Variants in PRDM12 observed in about 807,000 individuals in gnomAD.
The protein encoded by PRDM12 is PR/SET domain 12.
Under a neutral mutation model 29.6 loss-of-function variants are expected in PRDM12, and 17 were observed. That is an observed-to-expected ratio of 0.57 (90% CI 0.39 to 0.86). The LOEUF is 0.86. Among genes scored for constraint, PRDM12 ranks in the 40% least tolerant of loss-of-function variants. The probability of loss-of-function intolerance (pLI) is 0.00; values close to 1 mark genes in which losing one functional copy is unlikely to be tolerated. For synonymous variants in PRDM12, 231 were observed against 225.8 expected, an observed-to-expected ratio of 1.02 and a Z score of -0.21; for missense variants, 422 against 510.8, an observed-to-expected ratio of 0.83 and a Z score of 1.68.
intron 3 of PRDM12, among the ~76,000 whole-genome samples, chr9:130,671,651 A>C (rs1161098981): frequency 1.3e-5 from 2 of 152,150 alleles, no homozygotes; most frequent in African/African-American, 4.8e-5. Flanking sequence ...GTATGTGGCC[A>C]CCCTCAAGAT....
At chr9:130,673,765 G>C (rs1364182312) in intron 3 of PRDM12, among the ~76,000 whole-genome samples, 1 of 145,316 alleles carries the variant, frequency 6.9e-6, no homozygotes, top group Non-Finnish European at 1.5e-5. Context: ...TCTGCCTCCT[G>C]GATTCAAGCG....
chr9:130,675,878 G>A (rs747940844), intron 3 of PRDM12, among the ~76,000 whole-genome samples: 2 of 152,144 alleles, frequency 1.3e-5, no homozygotes, highest in Non-Finnish European at 2.9e-5. Flanking sequence ...TTTCATCCAA[G>A]ACTGGAAACC....
chr9:130,679,137 G>A (rs771335374), intron 4 of PRDM12, among the ~76,000 whole-genome samples: 3 of 152,146 alleles, frequency 2.0e-5, no homozygotes, highest in Non-Finnish European at 2.9e-5. Context: ...TAGATGCTCC[G>A]TATAAGCCTG....
rs1830919051 is a variant in PRDM12 at position 130,682,826 on chromosome 9, G to GTC, written c.*1158_*1159insCT. On this transcript the variant is annotated 3_prime_UTR_variant, in exon 5 of 5. Transcript: ENST00000253008. The surrounding 1 kb of genome is among the most constrained non-coding windows in gnomAD (Gnocchi z 4.2). ...ATGTATAGAGTTTTCAAGAAACTGC[G>GTC]TTCTACTTCCAGAAGATGGTCACTT... The GTC allele has an allele frequency of 6.6e-6, 1 of 152,616 alleles. No individual in the cohort carries two copies. The highest frequency in any genetic ancestry group is 2.1e-4 in the South Asian group (1 of 4,828). The allele number at this position is 152,616 out of a possible 1,614,324, so 9.5% of individuals were successfully genotyped here.
Position 130,681,296 on chromosome 9 carries a change from G to C in PRDM12, c.731G>C (p.Arg244Pro). 6.6e-7 allele frequency: 1 copy of C among 1,515,168 alleles called. No individual in the cohort carries two copies. The highest frequency in any genetic ancestry group is 8.9e-7 in the Non-Finnish European group (1 of 1,125,448). 93.9% of individuals were successfully genotyped at this position (1,515,168 alleles called of 1,614,324 possible). The change falls in exon 5 of 5, where the codon CGA becomes CCA. Residue 244 changes from arginine to proline, a missense_variant. Coordinates refer to ENST00000253008, the MANE Select transcript of PRDM12 (RefSeq NM_021619.3). This position sits in a 1 kb window ranked among gnomAD's most constrained non-coding sequence, Gnocchi z 8.1. Reference protein sequence around the residue: ...DSAAGPAGRMRCVICHRGFNS... With the variant: ...DSAAGPAGRMPCVICHRGFNS... ...GCGGCTGGCCCCGCGGGCCGCATGC[G>C]ATGCGTCATCTGCCACCGCGGCTTC...
rs1220406010 is a variant in PRDM12 at position 130,681,547 on chromosome 9, A to ACCGCGCTGCAGGCACACTCGC, written c.992_1012dup (p.Gln331_Leu337dup). 52 of 1,265,966 alleles carry ACCGCGCTGCAGGCACACTCGC rather than the reference A, an allele frequency of 4.1e-5. No individual in the cohort carries two copies. The South Asian group carries it at 6.4e-4, about 16-fold the overall frequency. The allele number at this position is 1,265,966 out of a possible 1,614,324, so 78.4% of individuals were successfully genotyped here. A position where few individuals can be genotyped will look rare whatever the true frequency, so the allele number is the denominator to read the frequency against. ...GAGCGCGCGGCACCGGCCGCCCAGCACCGCGCTGCAGGCACACTCGCCCGC... is the reference window on the plus strand; with the variant it reads ...GAGCGCGCGGCACCGGCCGCCCAGCACCGCGCTGCAGGCACACTCGCCCGCGCTGCAGGCACACTCGCCCGC... On this transcript the variant is annotated inframe_insertion, in exon 5 of 5. Transcript: ENST00000253008. The surrounding 1 kb of genome is among the most constrained non-coding windows in gnomAD (Gnocchi z 8.1).
chr9:130,681,476 G>A lies in PRDM12; in HGVS notation c.911G>A (p.Cys304Tyr), dbSNP rs758734389. 1 of 1,542,442 alleles carries A rather than the reference G, an allele frequency of 6.5e-7. No individual in the cohort carries two copies. Among genetic ancestry groups the A allele is most frequent in the Non-Finnish European group, 8.7e-7 (1 of 1,145,692 alleles). The change falls in exon 5 of 5, where the codon TGC (cysteine) becomes TAC (tyrosine). Residue 304 changes from cysteine to tyrosine, a missense_variant. Cys to Tyr is a radical substitution (Grantham distance 194). Around this residue, in one of 5 missense-constraint regions of PRDM12, gnomAD observed 24 missense variants for 64.0 expected, o/e 0.38. Transcript: ENST00000253008. This position sits in a 1 kb window ranked among gnomAD's most constrained non-coding sequence, Gnocchi z 8.1. ...TGERPYKCQV[C>Y]QSAYSQLAGL... is the part of the protein sequence containing the mutation. ...GAGCGCCCCTACAAGTGCCAGGTGT[G>A]CCAGAGCGCCTACTCGCAGCTGGCC... is the stretch of plus-strand genomic sequence containing the variant.
intron 4 of PRDM12, among the ~76,000 whole-genome samples, chr9:130,680,659 A>ATATATATATATATATATATATATTTTTT: frequency 1.4e-5 from 1 of 72,170 alleles, no homozygotes; most frequent in African/African-American, 7.8e-5. Flanking sequence ...ATATATATAT[A>ATATATATATATATATATATATATTTTTT]TTTTTTTTTT....
chr9:130,680,002 GT>G (rs1286680860), intron 4 of PRDM12, among the ~76,000 whole-genome samples: 10 of 152,134 alleles, frequency 6.6e-5, no homozygotes, highest in African/African-American at 2.4e-4. Flanking sequence ...GTGAGCTACT[GT>G]TTATTAAGTC....
chr9:130,680,288 G>A (rs367989375), intron 4 of PRDM12, among the ~76,000 whole-genome samples: 378 of 152,134 alleles, frequency 2.5e-3, no homozygotes, highest in African/African-American at 8.5e-3. Context: ...AGTGAGCTGA[G>A]ATGGCACCAC....
chr9:130,674,492 TTGTGTGTGTGTGTG>T (rs58489448), intron 3 of PRDM12, among the ~76,000 whole-genome samples: 4 of 142,796 alleles, frequency 2.8e-5, no homozygotes, highest in African/African-American at 1.1e-4. Flanking sequence ...AAAAGATAAT[TTGTGTGTGTGTGTG>T]TGTGTGTGTG....
intron 3 of PRDM12, among the ~76,000 whole-genome samples, chr9:130,670,034 C>T (rs1830773951): frequency 6.6e-6 from 1 of 151,860 alleles, no homozygotes; most frequent in Non-Finnish European, 1.5e-5. Context: ...CAGGGCAGGC[C>T]CACACTGGGA....
rs1489255328 is a variant in PRDM12 at position 130,666,555 on chromosome 9, C to G, written c.224-53C>G. On this transcript the variant is annotated intron_variant, in intron 1 of 4. Coordinates refer to ENST00000253008, the MANE Select transcript of PRDM12 (RefSeq NM_021619.3). The stretch of plus-strand genomic sequence containing the variant: ...GGGGTCCCGGCGGGGAAGGAAGGGC[C>G]GGGCCTCGGCTGCCTCGGGCTCTGA... 14 of 1,570,738 alleles carry G rather than the reference C, an allele frequency of 8.9e-6. No individual in the cohort carries two copies. In the Admixed American group the frequency reaches 2.0e-4, roughly 23 times the overall value.
chr9:130,666,509 G>A, intron 1 of PRDM12, 99 bp from the exon 2 acceptor site: 2 of 1,462,912 alleles, frequency 1.4e-6, no homozygotes, highest in Non-Finnish European at 9.1e-7. Context: ...GGGTTTGGCT[G>A]GTCTGGGCAG....
At position 130,666,695 on chromosome 9, in the gene PRDM12, C is replaced by T. The variant is rs1348111537; in HGVS notation, c.311C>T (p.Ser104Phe). ...SIPGEGLGIF[S>F]KTWIKAGTEM... ...CCTGGCGAGGGCCTCGGCATCTTCT[C>T]CAAGACGTGGATCAAGGCGGGAACC... is the stretch of plus-strand genomic sequence containing the variant. Residue 104 changes from serine to phenylalanine, a missense_variant, in exon 2 of 5, where the codon TCC becomes TTC. Ser to Phe is a radical substitution (Grantham distance 155, BLOSUM62 -2). This residue lies in a region of PRDM12 where 300 missense variants were observed against 350.0 expected (regional missense o/e 0.86). Transcript: ENST00000253008. 1.2e-6 allele frequency: 2 copies of T among 1,613,458 alleles called. No homozygotes were observed. Among genetic ancestry groups the T allele is most frequent in the Non-Finnish European group, 1.7e-6 (2 of 1,179,892 alleles).
chr9:130,681,568 C>A lies in PRDM12; in HGVS notation c.1003C>A (p.Pro335Thr), dbSNP rs1564249834. Residue 335 changes from proline to threonine, a missense_variant, in exon 5 of 5, where the codon CCC becomes ACC. By Grantham distance (38) the Pro-to-Thr change is conservative. Transcript: ENST00000253008. The surrounding 1 kb of genome is among the most constrained non-coding windows in gnomAD (Gnocchi z 8.1). ...CAGCACCGCGCTGCAGGCACACTCG[C>A]CCGCGCTGCCCGCCCCGCACGCGCA... ...PPSTALQAHS[P>T]ALPAPHAHAP... is the part of the protein sequence containing the mutation. 8.3e-7 allele frequency: 1 copy of A among 1,205,544 alleles called. No individual in the cohort carries two copies. Among genetic ancestry groups the A allele is most frequent in the Admixed American group, 4.4e-5 (1 of 22,562 alleles). The allele number at this position is 1,205,544 out of a possible 1,614,324, so 74.7% of individuals were successfully genotyped here.
At chr9:130,676,346 C>G (rs544068558) in intron 3 of PRDM12, among the ~76,000 whole-genome samples, 1 of 151,924 alleles carries the variant, frequency 6.6e-6, no homozygotes, top group Non-Finnish European at 1.5e-5. Context: ...AAAAATTAGC[C>G]GGGCGTGGGT....
intron 1 of PRDM12, among the ~76,000 whole-genome samples, chr9:130,666,021 GCCCGGGGTCACA>G (rs1830730393): frequency 6.6e-6 from 1 of 152,140 alleles, no homozygotes; most frequent in African/African-American, 2.4e-5. Flanking sequence ...ACTCGGGCGC[GCCCGGGGTCACA>G]CAGCGAGCGC....
Position 130,668,072 on chromosome 9 carries a change from T to G in PRDM12, c.415-86T>G. 129 of 1,463,042 alleles carry G rather than the reference T, an allele frequency of 8.8e-5. No homozygotes were observed. The highest frequency in any genetic ancestry group is 1.1e-4 in the Non-Finnish European group (119 of 1,058,136). The allele number at this position is 1,463,042 out of a possible 1,614,324, so 90.6% of individuals were successfully genotyped here. On this transcript the variant is annotated intron_variant, in intron 2 of 4. Coordinates refer to ENST00000253008, the MANE Select transcript of PRDM12 (RefSeq NM_021619.3). This position sits in a 1 kb window ranked among gnomAD's most constrained non-coding sequence, Gnocchi z 4.0. The stretch of plus-strand genomic sequence containing the variant: ...CCACTTCCTGGGGCTGTTGTGAGGA[T>G]GGAGAGTGTGTGTGTGGATGTGCCT...
Sources: gnomAD v4.1 joint callset for allele counts (sites outside exome capture counted in the v4.1 genomes callset) on GRCh38, gnomAD v4.1.1 for gene constraint, gnomAD v4.1.1 regional missense constraint, Gnocchi (gnomAD v3.1) non-coding constraint, MANE v1.5 for transcripts, NCBI Gene and HGNC (gene_info 2026-07-23, HGNC 2026-07-21) for gene names.